DLGAP2: variants seen among roughly 807,000 people sequenced by gnomAD.
DLGAP2 encodes the protein disks large-associated protein 2.
Under a neutral mutation model 100.3 loss-of-function variants are expected in DLGAP2, and 26 were observed. The ratio of observed to expected loss-of-function variants is 0.26; its 90% CI spans 0.19 to 0.36. The LOEUF (loss-of-function observed/expected upper bound fraction) is 0.36. DLGAP2 is among the 10% of genes least tolerant of loss of function. DLGAP2 has a pLI of 1.00. For synonymous variants in DLGAP2, 886 were observed against 630.1 expected (o/e 1.41, Z -6.08); for missense variants, 1,858 against 1,453.2 (o/e 1.28, Z -4.53).
chr8:880,634 G>A (rs560038837), intron 1 of DLGAP2, among the ~76,000 whole-genome samples: 61 of 146,854 alleles, frequency 4.2e-4, no homozygotes, highest in African/African-American at 5.6e-4. Flanking sequence ...CCTTGCCTGC[G>A]ACATGGCATC....
At position 1,668,401 on chromosome 8, in the gene DLGAP2, C is replaced by G; in HGVS notation, c.1883C>G (p.Ser628Trp). The change falls in exon 9 of 15, where the codon TCG becomes TGG. Residue 628 changes from serine to tryptophan, a missense_variant. Transcript: ENST00000637795. ...CGGACCACCTCCAAGCCTCTGATCTCGGTGACGGCGCAGAGCAGCACCGAA... is the reference window on the plus strand; with the variant it reads ...CGGACCACCTCCAAGCCTCTGATCTGGGTGACGGCGCAGAGCAGCACCGAA... ...PPRTTSKPLI[S>W]VTAQSSTEST... is the part of the protein sequence containing the mutation. 6.2e-7 allele frequency: 1 copy of G among 1,603,406 alleles called. No homozygotes were observed. The highest frequency in any genetic ancestry group is 8.5e-7 in the Non-Finnish European group (1 of 1,175,346).
intron 3 of DLGAP2, among the ~76,000 whole-genome samples, chr8:1,359,037 C>G (rs776889773): frequency 1.3e-5 from 2 of 152,162 alleles, no homozygotes; most frequent in Non-Finnish European, 2.9e-5. Flanking sequence ...CCCAGAGCTT[C>G]GGATTCGGCA....
chr8:758,407 TTA>T (rs1408407666), intron 1 of DLGAP2, among the ~76,000 whole-genome samples: 1 of 152,116 alleles, frequency 6.6e-6, no homozygotes, highest in Non-Finnish European at 1.5e-5. Flanking sequence ...ATTTATATAT[TTA>T]TAGATATTTT....
At chr8:1,350,259 CA>C (rs1801681376) in intron 3 of DLGAP2, among the ~76,000 whole-genome samples, 12 of 40,402 alleles carry the variant, frequency 3.0e-4, no homozygotes, top group East Asian at 9.3e-4. Flanking sequence ...GGGTCCTGAG[CA>C]TGTGTGGAAC....
intron 4 of DLGAP2, among the ~76,000 whole-genome samples, chr8:1,507,580 G>A (rs1018173290): frequency 1.3e-5 from 2 of 152,190 alleles, no homozygotes; most frequent in African/African-American, 4.8e-5. Flanking sequence ...GCTGGCTGAA[G>A]GGCTCCTCAA....
chr8:1,288,516 G>T (rs1287363369), intron 3 of DLGAP2, among the ~76,000 whole-genome samples: 2 of 123,302 alleles, frequency 1.6e-5, no homozygotes, highest in African/African-American at 6.4e-5. Flanking sequence ...GCATGGTTCT[G>T]TTAGGGGAAC....
chr8:1,577,253 T>C (rs1803017253), intron 6 of DLGAP2, among the ~76,000 whole-genome samples: 1 of 152,218 alleles, frequency 6.6e-6, no homozygotes, highest in African/African-American at 2.4e-5. Flanking sequence ...TAAATACACA[T>C]ACTTTGTCAA....
intron 3 of DLGAP2, among the ~76,000 whole-genome samples, chr8:1,349,210 T>C (rs1801644204): frequency 6.6e-6 from 1 of 150,932 alleles, no homozygotes. Flanking sequence ...ACATTAAATA[T>C]TAAAATGTGG....
intron 2 of DLGAP2, among the ~76,000 whole-genome samples, chr8:981,179 C>G (rs146020945): frequency 8.6e-4 from 131 of 152,252 alleles, no homozygotes; most frequent in African/African-American, 3.0e-3. Flanking sequence ...GGCATTTGTC[C>G]TTTGGTGCCT....
At chr8:1,371,331 G>A (rs548559227) in intron 3 of DLGAP2, among the ~76,000 whole-genome samples, 1 of 152,206 alleles carries the variant, frequency 6.6e-6, no homozygotes, top group Admixed American at 6.5e-5. Flanking sequence ...CCTGGCTGGT[G>A]CTGTATCCTC....
At chr8:1,150,150 TAGTGTG>T (rs1796673011) in intron 2 of DLGAP2, among the ~76,000 whole-genome samples, 1 of 152,220 alleles carries the variant, frequency 6.6e-6, no homozygotes. Context: ...ATTTTTGCTT[TAGTGTG>T]AATCTCTTCG....
intron 1 of DLGAP2, among the ~76,000 whole-genome samples, chr8:876,319 T>C (rs1300187036): frequency 6.6e-6 from 1 of 152,232 alleles, no homozygotes; most frequent in Non-Finnish European, 1.5e-5. Context: ...GTTGATCTGC[T>C]AGCAATAAAT....
intron 11 of DLGAP2, among the ~76,000 whole-genome samples, chr8:1,677,255 T>TTTGA (rs1409092036): frequency 2.0e-5 from 3 of 152,028 alleles, no homozygotes; most frequent in Non-Finnish European, 2.9e-5. Flanking sequence ...CTATGGAGAT[T>TTTGA]TTGATTGCAA....
At chr8:1,664,590 G>A (rs1798497454) in intron 8 of DLGAP2, among the ~76,000 whole-genome samples, 1 of 152,212 alleles carries the variant, frequency 6.6e-6, no homozygotes, top group African/African-American at 2.4e-5. Flanking sequence ...GGTGCCCAAC[G>A]TGGAAGAAAG....
chr8:1,272,446 C>T (rs1455329353), intron 3 of DLGAP2, among the ~76,000 whole-genome samples: 1 of 151,554 alleles, frequency 6.6e-6, no homozygotes, highest in African/African-American at 2.4e-5. Context: ...ATGTACGTAT[C>T]TATATTAAAC....
At chr8:1,256,769 C>G (rs1026641149) in intron 2 of DLGAP2, among the ~76,000 whole-genome samples, 1 of 152,276 alleles carries the variant, frequency 6.6e-6, no homozygotes, top group African/African-American at 2.4e-5. Context: ...GTGGTGCCTG[C>G]GTTTCCAGGT....
intron 1 of DLGAP2, among the ~76,000 whole-genome samples, chr8:828,323 C>A (rs1170566956): frequency 6.6e-6 from 1 of 152,076 alleles, no homozygotes; most frequent in African/African-American, 2.4e-5. Flanking sequence ...CAGGTACGCC[C>A]CGGGGGGGCC....
chr8:1,510,601 T>C (rs1800127723), intron 4 of DLGAP2, among the ~76,000 whole-genome samples: 2 of 152,198 alleles, frequency 1.3e-5, no homozygotes. Context: ...TCAATATGCT[T>C]AACGCCACAG....
intron 3 of DLGAP2, among the ~76,000 whole-genome samples, chr8:1,286,171 G>A (rs1470352875): frequency 6.6e-6 from 1 of 152,178 alleles, no homozygotes; most frequent in African/African-American, 2.4e-5. Flanking sequence ...CACAAGATGT[G>A]ATGGTTTTAT....
Sources: allele counts gnomAD v4.1 joint callset (sites outside exome capture counted in the v4.1 genomes callset), GRCh38; gene constraint gnomAD v4.1.1; transcripts MANE v1.5; gene names NCBI Gene and HGNC (gene_info 2026-07-23, HGNC 2026-07-21).